Variants in ANKRD27 observed in about 807,000 individuals in gnomAD.
The protein encoded by ANKRD27 is ankyrin repeat domain-containing protein 27.
Under a neutral mutation model 129.7 loss-of-function variants are expected in ANKRD27, and 112 were observed. The ratio of observed to expected loss-of-function variants is 0.86; its 90% confidence interval spans 0.74 to 1.01. The LOEUF is 1.01. Among genes scored for constraint, ANKRD27 ranks in the 50% least tolerant of loss-of-function variants. The pLI is 0.00. For synonymous variants in ANKRD27, 516 were observed against 511.2 expected (o/e 1.01, Z -0.13); for missense variants, 1,258 against 1,300.5 (o/e 0.97, Z 0.50).
chr19:32,611,234 G>C (rs1971830942), intron 22 of ANKRD27, among the ~76,000 whole-genome samples: 1 of 152,162 alleles, frequency 6.6e-6, no homozygotes, highest in African/African-American at 2.4e-5. Context: ...AACAGCAGCA[G>C]CGGAGATGCA....
intron 14 of ANKRD27, 112 bp downstream of exon 14, chr19:32,628,610 G>A (rs1966933243): frequency 1.5e-6 from 2 of 1,367,394 alleles, no homozygotes; most frequent in Non-Finnish European, 2.0e-6. Flanking sequence ...GAGGCAGCTG[G>A]GGGGCAGGGA....
chr19:32,660,371 C>T lies in ANKRD27; in HGVS notation c.-30-1326G>A, dbSNP rs537946366. On this transcript the variant is annotated intron_variant, in intron 1 of 28. Coordinates refer to ENST00000306065, the MANE Select transcript of ANKRD27 (RefSeq NM_032139.3). ...CAGCCTGGTCAACATGGTGAAACCC[C>T]GTCTCTACTGAAAATACAAAAATTA... is the stretch of plus-strand genomic sequence containing the variant. Among the ~76,000 whole-genome samples the T allele has an allele frequency of 6.6e-5, 10 of 152,246 alleles. No individual in the cohort carries two copies. In the East Asian group the frequency reaches 1.7e-3, roughly 26 times the overall value.
At chr19:32,657,406 G>C (rs1007912926) in intron 2 of ANKRD27, among the ~76,000 whole-genome samples, 6 of 151,290 alleles carry the variant, frequency 4.0e-5, no homozygotes, top group African/African-American at 1.5e-4. Context: ...AGGTTGCAGT[G>C]AGTCGAGATT....
rs768408308 is a variant in ANKRD27 at position 32,625,873 on chromosome 19, C to T, written c.1629+1G>A. On this transcript the variant is annotated splice_donor_variant, in intron 17 of 28. Coordinates refer to ENST00000306065, the MANE Select transcript of ANKRD27 (RefSeq NM_032139.3). LOFTEE classifies it high-confidence loss of function. Reference sequence around the variant, plus strand: ...CCCCCGGAACAGCAAGAGCCACTCACGTCCTCGTGGCCGTAGGTGCAGGCC... The same window carrying T: ...CCCCCGGAACAGCAAGAGCCACTCATGTCCTCGTGGCCGTAGGTGCAGGCC... 1.6e-5 allele frequency: 26 copies of T among 1,590,898 alleles called. No individual in the cohort carries two copies. Among genetic ancestry groups the T allele is most frequent in the South Asian group, 9.2e-5 (8 of 86,844 alleles).
chr19:32,604,374 G>T lies in ANKRD27; in HGVS notation c.2544C>A (p.His848Gln). 1.2e-6 allele frequency: 2 copies of T among 1,613,890 alleles called. No individual in the cohort carries two copies. The highest frequency in any genetic ancestry group is 1.3e-5 in the African/African-American group (1 of 75,064). Residue 848 changes from histidine to glutamine, a missense_variant, in exon 25 of 29, where the codon CAC (histidine) becomes CAA (glutamine). Coordinates refer to ENST00000306065, the MANE Select transcript of ANKRD27 (RefSeq NM_032139.3). ...AGACGTGCTTTTCAATCACAGCCTCGTGCAGCGCTGTGTTGCCCTTATTGT... is the reference window on the plus strand; with the variant it reads ...AGACGTGCTTTTCAATCACAGCCTCTTGCAGCGCTGTGTTGCCCTTATTGT... The part of the protein sequence containing the change: ...ASNNKGNTAL[H>Q]EAVIEKHVFV...
At position 32,605,769 on chromosome 19, in the gene ANKRD27, C is replaced by T. The variant is rs890886288; in HGVS notation, c.2493+66G>A. ...TCCATCCCCAGTGCGCTGCGGGGGT[C>T]GCTGGGTGGAGGCGCCCTGTTAACT... On this transcript the variant is annotated intron_variant, in intron 24 of 28. Transcript: ENST00000306065. 61 of 1,585,014 alleles carry T rather than the reference C, an allele frequency of 3.8e-5. No individual in the cohort carries two copies. In the Middle Eastern group the frequency reaches 6.1e-4, roughly 16 times the overall value.
At chr19:32,649,625 C>A in intron 3 of ANKRD27, 57 bp downstream of exon 3, 1 of 1,187,332 alleles carries the variant, frequency 8.4e-7, no homozygotes, top group Non-Finnish European at 1.3e-6. Flanking sequence ...CTCTTCCTCC[C>A]CTCTGGCCCC....
chr19:32,617,992 A>G (rs929266298), intron 20 of ANKRD27, among the ~76,000 whole-genome samples: 10 of 151,986 alleles, frequency 6.6e-5, no homozygotes, highest in African/African-American at 2.4e-4. Context: ...TCCCGACCTC[A>G]GGTGATCCGC....
chr19:32,601,088 C>G (rs532914211), intron 26 of ANKRD27, among the ~76,000 whole-genome samples: 14 of 151,638 alleles, frequency 9.2e-5, no homozygotes, highest in Admixed American at 6.6e-4. Flanking sequence ...CACTTGAGGT[C>G]AGGAGTTTGA....
At chr19:32,663,243 C>A (rs907588666) in intron 1 of ANKRD27, among the ~76,000 whole-genome samples, 3 of 152,132 alleles carry the variant, frequency 2.0e-5, no homozygotes, top group African/African-American at 7.2e-5. Context: ...GCAAGCACAG[C>A]CAACCCACCA....
intron 17 of ANKRD27, among the ~76,000 whole-genome samples, chr19:32,623,442 T>C (rs981682845): frequency 2.0e-4 from 30 of 152,278 alleles, no homozygotes; most frequent in African/African-American, 6.3e-4. Context: ...TCTTGGGGAC[T>C]GAGTTCCTAA....
At chr19:32,622,772 A>T (rs1972033514) in intron 17 of ANKRD27, among the ~76,000 whole-genome samples, 153 bp from the exon 18 acceptor site, 1 of 147,372 alleles carries the variant, frequency 6.8e-6, no homozygotes, top group Admixed American at 6.8e-5. Context: ...ATTCTCATTC[A>T]TTTTTTTTTT....
chr19:32,611,359 G>C (rs141572921), intron 22 of ANKRD27, among the ~76,000 whole-genome samples: 203 of 152,240 alleles, frequency 1.3e-3, no homozygotes, highest in African/African-American at 4.7e-3. Context: ...CCCACCTCGG[G>C]GAAATTGTGT....
intron 15 of ANKRD27, 151 bp from the exon 16 acceptor site, chr19:32,626,978 T>C (rs6510273): frequency 0.58 from 328,192 of 568,214 alleles, 97,400 homozygotes; most frequent in Non-Finnish European, 0.63. Context: ...CTACAGCTAA[T>C]ATAAAGTAAG....
At chr19:32,606,250 T>A (rs966961308) in intron 23 of ANKRD27, among the ~76,000 whole-genome samples, 8 of 151,472 alleles carry the variant, frequency 5.3e-5, no homozygotes, top group Non-Finnish European at 8.8e-5. Flanking sequence ...CCTCCCAGGT[T>A]CAACTGATTC....
intron 1 of ANKRD27, chr19:32,673,411 G>T (rs1967910601): frequency 1.0e-6 from 1 of 985,170 alleles, no homozygotes; most frequent in African/African-American, 1.7e-5. Context: ...ACACAACAAA[G>T]CGATCTTTCC....
chr19:32,642,025 T>C lies in ANKRD27; in HGVS notation c.903A>G (p.Arg301=). The change falls in exon 10 of 29, where the codon AGA becomes AGG. Residue 301 remains arginine (R), a splice_region_variant and synonymous_variant. Coordinates refer to ENST00000306065, the MANE Select transcript of ANKRD27 (RefSeq NM_032139.3). ...CCAGTCCCCTTTCCAAGCACAAACC[T>C]CTCTGGCTTGGAGACTGTGTAATGA... ...VQLITQSPSQ[R]VNLETMCADD... The C allele has an allele frequency of 6.3e-7, 1 of 1,581,944 alleles. No individual in the cohort carries two copies. The highest frequency in any genetic ancestry group is 8.6e-7 in the Non-Finnish European group (1 of 1,159,962).
chr19:32,605,100 C>T (rs1971712235), intron 24 of ANKRD27, among the ~76,000 whole-genome samples: 1 of 151,920 alleles, frequency 6.6e-6, no homozygotes, highest in African/African-American at 2.4e-5. Flanking sequence ...GGCGAGGCCC[C>T]GTGGCTTACA....
chr19:32,625,847 C>T (rs202059178), intron 17 of ANKRD27, 27 bp downstream of exon 17: 30 of 1,521,036 alleles, frequency 2.0e-5, no homozygotes, highest in East Asian at 2.4e-5. Context: ...TGAACGCAGC[C>T]CCCCCGGAAC....
Sources: allele counts gnomAD v4.1 joint callset (sites outside exome capture counted in the v4.1 genomes callset), GRCh38; gene constraint gnomAD v4.1.1; transcripts MANE v1.5; gene names NCBI Gene and HGNC (gene_info 2026-07-23, HGNC 2026-07-21).